Variants in MACF1 observed in about 807,000 individuals in gnomAD.
MACF1 encodes microtubule-actin cross-linking factor 1.
In MACF1, 193 loss-of-function variants were observed where a neutral mutation model predicts 854.8. The ratio of observed to expected loss-of-function variants is 0.23; its 90% CI spans 0.20 to 0.25. The LOEUF (loss-of-function observed/expected upper bound fraction) is 0.25. MACF1 is among the 10% of genes least tolerant of loss of function. The pLI is 1.00. For missense variants in MACF1, 7,722 were observed against 8,929.1 expected, an observed-to-expected ratio of 0.86 and a Z score of 5.45; for synonymous variants, 3,185 against 3,226.7, an observed-to-expected ratio of 0.99 and a Z score of 0.44.
At position 39,336,164 on chromosome 1, in the gene MACF1, T is replaced by C. The variant is rs753477941; in HGVS notation, c.9576T>C (p.Ser3192=). 5 of 1,614,070 alleles carry C rather than the reference T, an allele frequency of 3.1e-6. No individual in the cohort carries two copies. The Admixed American group carries it at 5.0e-5, about 16-fold the overall frequency. The change falls in exon 37 of 101, where the codon TCT becomes TCC. Residue 3192 remains serine (S), a synonymous_variant. Transcript: ENST00000564288. ...TTAAATTGGAAGAAATCACAGTTTC[T>C]AGACCAGATTCAAAAGAAGTCAGGT... ...RGLKLEEITV[S]RPDSKEVRYL... is the part of the protein sequence containing the mutation.
intron 6 of MACF1, chr1:39,269,375 C>G (rs915439578): frequency 1.6e-6 from 2 of 1,289,666 alleles, no homozygotes; most frequent in Non-Finnish European, 2.0e-6. Context: ...AGGAAGGAAC[C>G]AAGAGTGTTT....
chr1:39,450,185 CA>C lies in MACF1; in HGVS notation c.20259-865del, dbSNP rs539437200. ...CCATTGTTTTTTATTTGAGTAGAGACAAGGTCTTGCTATTGTCCAGGCTGTT... is the reference window on the plus strand; with the variant it reads ...CCATTGTTTTTTATTTGAGTAGAGACAGGTCTTGCTATTGTCCAGGCTGTT... On this transcript the variant is annotated intron_variant, in intron 84 of 100. Transcript: ENST00000564288. Among the ~76,000 whole-genome samples the C allele has an allele frequency of 1.2e-3, 181 of 151,892 alleles. 2 individuals are homozygous for C. Among genetic ancestry groups the C allele is most frequent in the African/African-American group, 4.3e-3 (179 of 41,450 alleles).
intron 2 of MACF1, among the ~76,000 whole-genome samples, chr1:39,163,846 T>G (rs943788228): frequency 1.3e-5 from 2 of 152,160 alleles, no homozygotes; most frequent in African/African-American, 2.4e-5. Context: ...CTTTTTTGAC[T>G]TTTTTTCTGA....
At position 39,324,646 on chromosome 1, in the gene MACF1, G is replaced by A; in HGVS notation, c.4390G>A (p.Val1464Ile). The A allele has an allele frequency of 1.2e-6, 2 of 1,608,772 alleles. No individual in the cohort carries two copies. The highest frequency in any genetic ancestry group is 1.3e-5 in the African/African-American group (1 of 74,894). The change falls in exon 35 of 101, where the codon GTT becomes ATT. Residue 1464 changes from valine to isoleucine, a missense_variant and splice_region_variant. By Grantham distance (29) the Val-to-Ile change is conservative. Coordinates refer to ENST00000564288, the MANE Select transcript of MACF1 (RefSeq NM_001394062.1). ...DIEKAILEQQ[V>I]LSEELTTKKE... is the part of the protein sequence containing the mutation. ...TTTTCTCTTTATTTCTACCATGTAG[G>A]TTCTGTCAGAAGAGCTGACAACAAA...
At chr1:39,262,983 G>T (rs369891626) in intron 6 of MACF1, among the ~76,000 whole-genome samples, 3 of 42,212 alleles carry the variant, frequency 7.1e-5, no homozygotes, top group African/African-American at 1.2e-4. Flanking sequence ...CCCACCCCCC[G>T]CCTCGTCTTG....
chr1:39,159,867 G>A (rs1389660601), intron 2 of MACF1, among the ~76,000 whole-genome samples: 1 of 152,064 alleles, frequency 6.6e-6, no homozygotes, highest in Non-Finnish European at 1.5e-5. Flanking sequence ...GAGTAAACTG[G>A]GTTTTTTCAG....
intron 2 of MACF1, among the ~76,000 whole-genome samples, chr1:39,134,581 A>G (rs1424906256): frequency 6.6e-6 from 1 of 152,184 alleles, no homozygotes; most frequent in African/African-American, 2.4e-5. Flanking sequence ...TTAAACAGTC[A>G]TGTAACCCCT....
At chr1:39,455,480 T>G (rs912046611) in intron 89 of MACF1, among the ~76,000 whole-genome samples, 14 of 152,316 alleles carry the variant, frequency 9.2e-5, no homozygotes, top group Non-Finnish European at 1.2e-4. Flanking sequence ...AGAGGCCCCC[T>G]CAGGTCTTAG....
At chr1:39,282,127 A>AG (rs1645560084) in intron 6 of MACF1, 81 bp from the exon 7 acceptor site, 4 of 1,440,268 alleles carry the variant, frequency 2.8e-6, no homozygotes, top group Non-Finnish European at 3.8e-6. Context: ...TTTTACTAAG[A>AG]GCCATAATGT....
Position 39,430,743 on chromosome 1 carries a change from C to T in MACF1, c.17172C>T (p.Asp5724=). The stretch of plus-strand genomic sequence containing the variant: ...TCATGGAGCACAGGCTGGTGTTGGA[C>T]ACAGTGAATGAGGTGAGCCGTGCTC... The part of the protein sequence containing the change: ...KEVMEHRLVL[D]TVNEVSRALL... The change falls in exon 66 of 101, where the codon GAC becomes GAT. Residue 5724 remains aspartate, a synonymous_variant. Coordinates refer to ENST00000564288, the MANE Select transcript of MACF1 (RefSeq NM_001394062.1). The T allele has an allele frequency of 1.9e-6, 3 of 1,612,188 alleles. No individual in the cohort carries two copies. In the Admixed American group the frequency reaches 5.0e-5, roughly 27 times the overall value.
intron 2 of MACF1, among the ~76,000 whole-genome samples, chr1:39,235,363 C>T (rs1490185658): frequency 2.0e-5 from 3 of 152,250 alleles, no homozygotes; most frequent in Middle Eastern, 3.2e-3. Context: ...GGCGTGGTGG[C>T]GCGAGCCTGC....
At chr1:39,255,282 A>T (rs1645084596) in intron 5 of MACF1, among the ~76,000 whole-genome samples, 1 of 152,210 alleles carries the variant, frequency 6.6e-6, no homozygotes. Flanking sequence ...TGGTGTGGCC[A>T]TCTTTGAAAA....
intron 2 of MACF1, among the ~76,000 whole-genome samples, chr1:39,112,795 G>A (rs1642445515): frequency 1.3e-5 from 2 of 152,046 alleles, no homozygotes; most frequent in South Asian, 4.1e-4. Flanking sequence ...TTAATTCCCT[G>A]TACCTGCCCA....
rs111353563 is a variant in MACF1 at position 39,102,581 on chromosome 1, G to T, written c.220+18143G>T. ...CCTGAGGCGAGATAACACATTAGAGGCGCTGAAAGAAATAGAAAGTGGCAG... is the reference window on the plus strand; with the variant it reads ...CCTGAGGCGAGATAACACATTAGAGTCGCTGAAAGAAATAGAAAGTGGCAG... On this transcript the variant is annotated intron_variant, in intron 2 of 93. Transcript: ENST00000361689. The T allele has an allele frequency of 5.8e-4, 347 of 603,340 alleles. 1 individual carries two copies. The African/African-American group carries it at 5.8e-3, about 10-fold the overall frequency. 37.4% of individuals were successfully genotyped at this position (603,340 alleles called of 1,614,324 possible).
At chr1:39,455,155 CT>C in intron 89 of MACF1, 58 bp downstream of exon 89, 1 of 1,518,980 alleles carries the variant, frequency 6.6e-7, no homozygotes, top group Middle Eastern at 1.7e-4. Flanking sequence ...TGGAGACCAT[CT>C]CTGTTGCCCT....
At chr1:39,386,245 C>CTTTT (rs59189873) in intron 57 of MACF1, among the ~76,000 whole-genome samples, 1 of 143,072 alleles carries the variant, frequency 7.0e-6, no homozygotes, top group African/African-American at 2.6e-5. Flanking sequence ...TTGATACCCA[C>CTTTT]TTTTTTTTTT....
chr1:39,132,125 G>T (rs527587156), intron 2 of MACF1, among the ~76,000 whole-genome samples: 1 of 152,188 alleles, frequency 6.6e-6, no homozygotes, highest in Non-Finnish European at 1.5e-5. Flanking sequence ...AAGGAGCTCA[G>T]AATTAGATTG....
chr1:39,141,015 C>T (rs1177418167), intron 2 of MACF1, among the ~76,000 whole-genome samples: 1 of 148,402 alleles, frequency 6.7e-6, no homozygotes, highest in Non-Finnish European at 1.5e-5. Flanking sequence ...CTCCATTTTA[C>T]ACTGGAGTAA....
rs1557655373 is a variant in MACF1 at position 39,439,255 on chromosome 1, CTTTTT to C, written c.18221-16_18221-12del. 4.5e-6 allele frequency: 7 copies of C among 1,539,568 alleles called. No individual in the cohort carries two copies. Among genetic ancestry groups the C allele is most frequent in the Non-Finnish European group, 4.5e-6 (5 of 1,113,454 alleles). On this transcript the variant is annotated splice_polypyrimidine_tract_variant and intron_variant, in intron 71 of 100. Coordinates refer to ENST00000564288, the MANE Select transcript of MACF1 (RefSeq NM_001394062.1). ...TCTTCAGAAAGTCCTATTCATATCT[CTTTTT>C]TTAACCTCCTCAGAAATCCAGGATA...
Sources: allele counts gnomAD v4.1 joint callset (sites outside exome capture counted in the v4.1 genomes callset), GRCh38; gene constraint gnomAD v4.1.1; transcripts MANE v1.5; gene names NCBI Gene and HGNC (gene_info 2026-07-23, HGNC 2026-07-21).